Variants in RCOR3 observed in about 807,000 individuals in gnomAD.
The protein encoded by RCOR3 is REST corepressor 3.
A neutral mutation model predicts 64.1 loss-of-function variants in RCOR3; 13 were observed. The ratio of observed to expected loss-of-function variants is 0.20; its 90% CI spans 0.13 to 0.32. RCOR3 has a LOEUF of 0.32. Ranked by LOEUF, RCOR3 falls within the 10% of genes least tolerant of loss-of-function variation. RCOR3 has a pLI of 1.00. For synonymous variants in RCOR3, 215 were observed against 239.0 expected (o/e 0.90, Z 0.93); for missense variants, 489 against 701.2 (o/e 0.70, Z 3.42).
chr1:211,283,731 A>G (rs1459602683), intron 7 of RCOR3, among the ~76,000 whole-genome samples: 1 of 151,424 alleles, frequency 6.6e-6, no homozygotes, highest in African/African-American at 2.4e-5. Context: ...GCAGCCTCAA[A>G]CTTCTGGGCT....
At chr1:211,284,560 T>C (rs984642159) in intron 7 of RCOR3, among the ~76,000 whole-genome samples, 2 of 151,884 alleles carry the variant, frequency 1.3e-5, no homozygotes, top group African/African-American at 4.8e-5. Flanking sequence ...TCTTGTTTTG[T>C]CACCCAGGCT....
At chr1:211,270,437 CTTAAT>C (rs1266064546) in intron 2 of RCOR3, among the ~76,000 whole-genome samples, 1 of 151,780 alleles carries the variant, frequency 6.6e-6, no homozygotes, top group Non-Finnish European at 1.5e-5. Context: ...AATAAATGAA[CTTAAT>C]TTAAAAGTGA....
At chr1:211,273,203 A>G (rs1037191437) in intron 3 of RCOR3, among the ~76,000 whole-genome samples, 1 of 152,204 alleles carries the variant, frequency 6.6e-6, no homozygotes, top group African/African-American at 2.4e-5. Context: ...GCAAATACTT[A>G]AAAAATTCTT....
intron 8 of RCOR3, among the ~76,000 whole-genome samples, chr1:211,294,042 T>C (rs2102597636): frequency 6.6e-6 from 1 of 152,344 alleles, no homozygotes; most frequent in South Asian, 2.1e-4. Flanking sequence ...TGTTATAATA[T>C]AAGTAGAGTC....
intron 5 of RCOR3, among the ~76,000 whole-genome samples, chr1:211,277,251 G>C (rs1196621721): frequency 6.6e-6 from 1 of 151,002 alleles, no homozygotes; most frequent in African/African-American, 2.4e-5. Flanking sequence ...GTAAATCTGA[G>C]AAGTTCCTGC....
chr1:211,265,015 G>A (rs1316941644), intron 2 of RCOR3, among the ~76,000 whole-genome samples: 1 of 152,090 alleles, frequency 6.6e-6, no homozygotes, highest in Non-Finnish European at 1.5e-5. Flanking sequence ...TAGTTTTCTC[G>A]TTTGTAAAAG....
At chr1:211,276,675 C>T (rs933911080) in intron 5 of RCOR3, among the ~76,000 whole-genome samples, 5 of 151,804 alleles carry the variant, frequency 3.3e-5, no homozygotes, top group South Asian at 2.1e-4. Flanking sequence ...AGAGTTATTT[C>T]GTATGTTTAT....
At chr1:211,310,119 C>G (rs1026019101) in intron 10 of RCOR3, among the ~76,000 whole-genome samples, 1 of 152,162 alleles carries the variant, frequency 6.6e-6, no homozygotes, top group African/African-American at 2.4e-5. Context: ...GTGTACTCAG[C>G]ATTGTAGTAA....
chr1:211,260,514 T>G (rs1449823053), intron 2 of RCOR3, among the ~76,000 whole-genome samples: 1 of 152,180 alleles, frequency 6.6e-6, no homozygotes, highest in Non-Finnish European at 1.5e-5. Context: ...GCGGACTGTA[T>G]GGACGAACCG....
intron 2 of RCOR3, among the ~76,000 whole-genome samples, chr1:211,264,035 C>T (rs1309535807): frequency 6.6e-6 from 1 of 152,116 alleles, no homozygotes; most frequent in Non-Finnish European, 1.5e-5. Flanking sequence ...GTTGGCCGGG[C>T]TAGTCTTGAA....
intron 10 of RCOR3, among the ~76,000 whole-genome samples, chr1:211,308,684 GTTT>G (rs71585833): frequency 4.8e-5 from 2 of 42,038 alleles, no homozygotes; most frequent in Non-Finnish European, 9.7e-5. Context: ...TTTTTTTTTT[GTTT>G]TTTTTTTTTT....
intron 8 of RCOR3, among the ~76,000 whole-genome samples, chr1:211,292,153 A>G (rs943858177): frequency 6.6e-6 from 1 of 152,186 alleles, no homozygotes; most frequent in Non-Finnish European, 1.5e-5. Flanking sequence ...ACTACTCAGT[A>G]ATGTTTGACA....
rs1485071959 is a variant in RCOR3 at position 211,312,840 on chromosome 1, T to C, written c.1196T>C (p.Leu399Ser). Residue 399 changes from leucine (L) to serine (S), a missense_variant, in exon 11 of 12, where the codon TTG (leucine) becomes TCG (serine). Physicochemically the swap from Leu to Ser is moderately radical, Grantham distance 145 (BLOSUM62 -2). This residue lies in a region of RCOR3 where 402 missense variants were observed against 617.0 expected (regional missense o/e 0.65). Coordinates refer to ENST00000419091, the MANE Select transcript of RCOR3 (RefSeq NM_001136223.3). The surrounding 1 kb of genome is among the most constrained non-coding windows in gnomAD (Gnocchi z 5.0). Reference protein sequence around the residue: ...YRRRFNLEEVLQEWEAEQGTQ... With the variant: ...YRRRFNLEEVSQEWEAEQGTQ... ...CGTCGGTTTAACTTAGAGGAGGTAT[T>C]GCAGGAGTGGGAAGCAGAACAAGGA... 3.1e-6 allele frequency: 5 copies of C among 1,614,214 alleles called. No homozygotes were observed. Among genetic ancestry groups the C allele is most frequent in the Admixed American group, 1.7e-5 (1 of 60,030 alleles).
chr1:211,306,335 TAGCAGGCA>T (rs1034400601), intron 10 of RCOR3, among the ~76,000 whole-genome samples: 4 of 152,060 alleles, frequency 2.6e-5, no homozygotes, highest in Non-Finnish European at 5.9e-5. Context: ...GTACTTACCT[TAGCAGGCA>T]ATTGTTTTTG....
chr1:211,288,316 T>C (rs1571912716), intron 7 of RCOR3, among the ~76,000 whole-genome samples: 1 of 151,446 alleles, frequency 6.6e-6, no homozygotes, highest in Non-Finnish European at 1.5e-5. Flanking sequence ...TTTTATATCA[T>C]ACTTTAAGAA....
rs939850951 is a variant in RCOR3, at chr1:211,313,116, G to A, written c.1317+155G>A. ...GTGGTGCATCTCTCGTGACTCTTAA[G>A]TCATAATGACATGCTAAGTTCTGAT... On this transcript the variant is annotated intron_variant, in intron 11 of 11. Transcript: ENST00000419091. This position sits in a 1 kb window ranked among gnomAD's most constrained non-coding sequence, Gnocchi z 4.7. 3 of 1,509,440 alleles carry A rather than the reference G, an allele frequency of 2.0e-6. No individual in the cohort carries two copies. The African/African-American group carries it at 4.2e-5, about 21-fold the overall frequency. The allele number at this position is 1,509,440 out of a possible 1,614,324, so 93.5% of individuals were successfully genotyped here.
intron 9 of RCOR3, among the ~76,000 whole-genome samples, chr1:211,296,483 T>C (rs1699873066): frequency 1.3e-5 from 2 of 152,162 alleles, no homozygotes; most frequent in African/African-American, 4.8e-5. Context: ...TTTGTTCTTA[T>C]TGGGACTTTT....
At chr1:211,301,560 A>G (rs901999299) in intron 9 of RCOR3, 1 of 152,194 alleles carries the variant, frequency 6.6e-6, no homozygotes, top group African/African-American at 2.4e-5. Flanking sequence ...TTTCCAGGCT[A>G]TCACTTCTTA....
At chr1:211,300,488 T>G (rs1700266089) in intron 9 of RCOR3, among the ~76,000 whole-genome samples, 1 of 152,200 alleles carries the variant, frequency 6.6e-6, no homozygotes, top group African/African-American at 2.4e-5. Context: ...TTGATATAGA[T>G]GACTACCCTT....
Sources: gnomAD v4.1 joint callset for allele counts (sites outside exome capture counted in the v4.1 genomes callset) on GRCh38, gnomAD v4.1.1 for gene constraint, gnomAD v4.1.1 regional missense constraint, Gnocchi (gnomAD v3.1) non-coding constraint, MANE v1.5 for transcripts, NCBI Gene and HGNC (gene_info 2026-07-23, HGNC 2026-07-21) for gene names.